Variants in TMC5 observed in about 807,000 individuals in gnomAD.
The protein encoded by TMC5 is transmembrane channel like 5, also known as transmembrane channel-like protein 5.
A neutral mutation model predicts 110.5 loss-of-function variants in TMC5; 86 were observed. That is an observed-to-expected ratio of 0.78 (90% CI 0.65 to 0.93). The LOEUF is 0.93. Ranked by LOEUF, TMC5 falls within the 40% of genes least tolerant of loss-of-function variation. The pLI, the probability that TMC5 is intolerant of heterozygous loss-of-function variation, is 0.00. For synonymous variants in TMC5, 455 were observed against 439.5 expected (o/e 1.04, Z -0.44); for missense variants, 1,144 against 1,222.8 (o/e 0.94, Z 0.96).
intron 2 of TMC5, among the ~76,000 whole-genome samples, chr16:19,434,189 A>AT (rs1967267075): frequency 3.5e-5 from 2 of 57,494 alleles, no homozygotes; most frequent in African/African-American, 4.2e-5. Context: ...TTAGATATAT[A>AT]ATATATATAT....
chr16:19,440,502 AT>A lies in TMC5; in HGVS notation c.468del (p.Phe156LeufsTer4). 3 of 1,614,184 alleles carry A rather than the reference AT, an allele frequency of 1.9e-6. No homozygotes were observed. The highest frequency in any genetic ancestry group is 1.7e-6 in the Non-Finnish European group (2 of 1,180,016). ...GCAGGCTCCAGAACACATCCAGATCATTTTGGCTCCTTAGAACCGGACTACC... is the reference window on the plus strand; with the variant it reads ...GCAGGCTCCAGAACACATCCAGATCATTTGGCTCCTTAGAACCGGACTACC... The part of the protein sequence containing the change: ...NYAGSRTHPD[H>X]FGSLEPDYPG... On this transcript the variant is annotated frameshift_variant, in exon 3 of 22. Coordinates refer to ENST00000542583, the MANE Select transcript of TMC5 (RefSeq NM_001261841.2). LOFTEE classifies it high-confidence loss of function.
chr16:19,443,938 T>G, intron 3 of TMC5, 143 bp from the exon 4 acceptor site: 1 of 774,116 alleles, frequency 1.3e-6, no homozygotes, highest in South Asian at 1.8e-5. Context: ...GATACATGGA[T>G]GGATGGATGG....
intron 5 of TMC5, among the ~76,000 whole-genome samples, chr16:19,452,279 A>G (rs1011919390): frequency 6.6e-6 from 1 of 152,218 alleles, no homozygotes; most frequent in African/African-American, 2.4e-5. Context: ...GGGAAGGGAC[A>G]CAGAGCTTCC....
chr16:19,450,117 C>T (rs1442894708), intron 5 of TMC5, among the ~76,000 whole-genome samples: 1 of 152,144 alleles, frequency 6.6e-6, no homozygotes, highest in Non-Finnish European at 1.5e-5. Flanking sequence ...TGATGCAGAA[C>T]CTGCTTAACA....
intron 6 of TMC5, 121 bp downstream of exon 6, chr16:19,460,455 C>A: frequency 1.5e-6 from 1 of 654,488 alleles, no homozygotes; most frequent in Non-Finnish European, 2.5e-6. Flanking sequence ...ATATTCCTGA[C>A]AGAAAAATTT....
At chr16:19,492,957 A>G (rs1968952628) in intron 19 of TMC5, among the ~76,000 whole-genome samples, 2 of 66,862 alleles carry the variant, frequency 3.0e-5, no homozygotes, top group African/African-American at 8.2e-5. Flanking sequence ...AAATACTTTT[A>G]TTTCATTTAT....
rs951591955 is a variant in TMC5 at position 19,417,914 on chromosome 16, C to G, written c.-486C>G. 6.6e-6 allele frequency: 1 copy of G among 152,148 alleles called. No individual in the cohort carries two copies. Among genetic ancestry groups the G allele is most frequent in the Non-Finnish European group, 1.5e-5 (1 of 68,054 alleles). The allele number at this position is 152,148 out of a possible 1,614,324, so 9.4% of individuals were successfully genotyped here. On this transcript the variant is annotated 5_prime_UTR_variant, in exon 1 of 22. Transcript: ENST00000542583. ...TCCCGTGATCTTCGTGGCTTCCCGC[C>G]CAGACGTGTGACCAAGATAGCAAGG...
At chr16:19,460,058 A>T (rs1226474353) in intron 5 of TMC5, among the ~76,000 whole-genome samples, 177 bp from the exon 6 acceptor site, 1 of 152,046 alleles carries the variant, frequency 6.6e-6, no homozygotes, top group Non-Finnish European at 1.5e-5. Flanking sequence ...ATTTGCTCTC[A>T]CTTTGAGCTT....
chr16:19,426,480 A>G (rs1967089992), intron 1 of TMC5, among the ~76,000 whole-genome samples: 1 of 152,192 alleles, frequency 6.6e-6, no homozygotes, highest in African/African-American at 2.4e-5. Context: ...TCTGTAGCCT[A>G]CGGGTCTCCA....
chr16:19,442,355 G>GT (rs1032960653), intron 3 of TMC5, among the ~76,000 whole-genome samples: 1 of 137,730 alleles, frequency 7.3e-6, no homozygotes, highest in Non-Finnish European at 1.5e-5. Flanking sequence ...TTGAGACAGC[G>GT]TCTCACTCTG....
intron 5 of TMC5, among the ~76,000 whole-genome samples, chr16:19,454,311 G>C (rs771247347): frequency 5.9e-5 from 9 of 152,178 alleles, no homozygotes; most frequent in Non-Finnish European, 8.8e-5. Context: ...CTCCCAAAGT[G>C]CTGTGATTAG....
intron 2 of TMC5, among the ~76,000 whole-genome samples, chr16:19,436,220 A>G (rs1168911249): frequency 6.9e-6 from 1 of 144,646 alleles, no homozygotes; most frequent in Non-Finnish European, 1.5e-5. Context: ...GTGAGCCAAG[A>G]TGGCGTCACT....
chr16:19,477,499 T>C lies in TMC5; in HGVS notation c.2150T>C (p.Val717Ala). The part of the protein sequence containing the change: ...GILCYYWLNT[V>A]ALSGEECWET... ...CTTTGTTACTATTGGCTCAACACCG[T>C]GGCCCTGTCTGGTGAAGAGGTGAGA... is the stretch of plus-strand genomic sequence containing the variant. The change falls in exon 13 of 22, where the codon GTG becomes GCG. Residue 717 changes from valine to alanine, a missense_variant. Physicochemically the swap from Val to Ala is moderately conservative, Grantham distance 64 (BLOSUM62 0). Coordinates refer to ENST00000542583, the MANE Select transcript of TMC5 (RefSeq NM_001261841.2). The C allele has an allele frequency of 6.2e-7, 1 of 1,610,256 alleles. No homozygotes were observed. Among genetic ancestry groups the C allele is most frequent in the East Asian group, 2.2e-5 (1 of 44,836 alleles).
chr16:19,427,849 T>G (rs1967117176), intron 1 of TMC5, among the ~76,000 whole-genome samples: 2 of 109,814 alleles, frequency 1.8e-5, no homozygotes, highest in African/African-American at 5.0e-5. Flanking sequence ...CCATAGTTTC[T>G]GCCACTCTCT....
chr16:19,454,281 A>C (rs559563804), intron 5 of TMC5, among the ~76,000 whole-genome samples: 54 of 152,258 alleles, frequency 3.5e-4, no homozygotes, highest in Non-Finnish European at 7.5e-4. Flanking sequence ...CCTGGCCTCA[A>C]GTGATCCACC....
intron 19 of TMC5, 53 bp from the exon 20 acceptor site, chr16:19,494,209 C>T: frequency 1.4e-6 from 2 of 1,407,972 alleles, no homozygotes; most frequent in East Asian, 2.3e-5. Context: ...AATTCCATAC[C>T]ATCATTCATT....
chr16:19,487,564 T>C (rs1200081066), intron 17 of TMC5, among the ~76,000 whole-genome samples: 1 of 151,904 alleles, frequency 6.6e-6, no homozygotes, highest in African/African-American at 2.4e-5. Context: ...TAGCCAAGTG[T>C]GGTGGTGCAT....
In TMC5 at chr16:19,440,323, TAGA is replaced by T. The variant is rs1191850948; in HGVS notation, c.287_289del (p.Arg96del). 6.2e-7 allele frequency: 1 copy of T among 1,614,114 alleles called. No homozygotes were observed. The highest frequency in any genetic ancestry group is 8.5e-7 in the Non-Finnish European group (1 of 1,180,012). On this transcript the variant is annotated inframe_deletion, in exon 3 of 22. Coordinates refer to ENST00000542583, the MANE Select transcript of TMC5 (RefSeq NM_001261841.2). Reference sequence around the variant, plus strand: ...GAAGCAATGCATACTCTGCAGCCTCTAGAACAAGCCCAGACCATCCTACCTCTC... The same window carrying T: ...GAAGCAATGCATACTCTGCAGCCTCTACAAGCCCAGACCATCCTACCTCTC...
rs1361169375 is a variant in TMC5 at position 19,479,440 on chromosome 16, AC to A, written c.2182del (p.Leu728SerfsTer11). On this transcript the variant is annotated frameshift_variant, in exon 14 of 22. Transcript: ENST00000542583. LOFTEE classifies it high-confidence loss of function. ...VALSGEECWE[T>X]LIGQDIYRLL... Reference sequence around the variant, plus strand: ...CTTGTTTGCCTTCCAGTGTTGGGAAACCCTCATTGGCCAGGACATCTACCGG... The same window carrying A: ...CTTGTTTGCCTTCCAGTGTTGGGAAACCTCATTGGCCAGGACATCTACCGG... 6.2e-7 allele frequency: 1 copy of A among 1,613,098 alleles called. No individual in the cohort carries two copies. Among genetic ancestry groups the A allele is most frequent in the Admixed American group, 1.7e-5 (1 of 59,958 alleles).
Sources: gnomAD v4.1 joint callset for allele counts (sites outside exome capture counted in the v4.1 genomes callset) on GRCh38, gnomAD v4.1.1 for gene constraint, MANE v1.5 for transcripts, NCBI Gene and HGNC (gene_info 2026-07-23, HGNC 2026-07-21) for gene names.